The following CYP2C19 variants were observed in gnomAD, a reference collection of about 807,000 sequenced individuals.
CYP2C19 encodes cytochrome P450 2C19.
CYP2C19 carries 59 observed loss-of-function variants against 40.9 expected under a neutral mutation model. The observed-to-expected ratio is 1.44, with a 90% CI of 1.17 to 1.79. The LOEUF (loss-of-function observed/expected upper bound fraction) is 1.79. Ranked by LOEUF, CYP2C19 falls within the 40% of genes most tolerant of loss-of-function variation. CYP2C19 has a pLI of 0.00. For synonymous variants in CYP2C19, 253 were observed against 208.7 expected, an observed-to-expected ratio of 1.21 and a Z score of -1.83; for missense variants, 754 against 596.9, an observed-to-expected ratio of 1.26 and a Z score of -2.74.
intron 8 of CYP2C19, among the ~76,000 whole-genome samples, 154 bp from the exon 9 acceptor site, chr10:94,852,579 T>C (rs1004643639): frequency 1.3e-5 from 2 of 152,174 alleles, no homozygotes; most frequent in South Asian, 4.2e-4. Context: ...CTTTCATTCA[T>C]GCATTCACCC....
At chr10:94,838,609 T>A (rs1849441741) in intron 6 of CYP2C19, among the ~76,000 whole-genome samples, 1 of 152,142 alleles carries the variant, frequency 6.6e-6, no homozygotes, top group East Asian at 1.9e-4. Context: ...CTTTGGTTCA[T>A]TATTTACCCC....
chr10:94,780,650 C>T lies in CYP2C19; in HGVS notation c.633C>T (p.Pro211=), dbSNP rs766295619. Residue 211 remains proline (P), a synonymous_variant, in exon 4 of 9, where the codon CCC becomes CCT. Transcript: ENST00000371321. ...LNENIRIVST[P]WIQICNNFPT... ...AAAACATCAGGATTGTAAGCACCCC[C>T]TGGATCCAGGTAAGGCCAAGTTTTT... The T allele has an allele frequency of 3.7e-6, 6 of 1,613,656 alleles. No homozygotes were observed. Among genetic ancestry groups the T allele is most frequent in the Non-Finnish European group, 5.1e-6 (6 of 1,179,810 alleles).
At chr10:94,821,690 C>T (rs1316199785) in intron 6 of CYP2C19, among the ~76,000 whole-genome samples, 1 of 151,986 alleles carries the variant, frequency 6.6e-6, no homozygotes, top group East Asian at 1.9e-4. Context: ...TCTTTTTTCC[C>T]CTGTGTCAGT....
At chr10:94,779,654 GGATTCAAGT>G (rs1848457527) in intron 3 of CYP2C19, among the ~76,000 whole-genome samples, 1 of 147,884 alleles carries the variant, frequency 6.8e-6, no homozygotes, top group Non-Finnish European at 1.5e-5. Flanking sequence ...TCTGCCTCCT[GGATTCAAGT>G]GATTCTCCTG....
intron 6 of CYP2C19, among the ~76,000 whole-genome samples, chr10:94,829,125 A>C (rs59404658): frequency 6.6e-6 from 1 of 151,944 alleles, no homozygotes; most frequent in Non-Finnish European, 1.5e-5. Context: ...CTTTGGTGAA[A>C]CTGACAATTA....
intron 5 of CYP2C19, among the ~76,000 whole-genome samples, chr10:94,803,437 A>G (rs529861534): frequency 6.9e-4 from 105 of 152,324 alleles, no homozygotes; most frequent in African/African-American, 2.4e-3. Flanking sequence ...AAGTTTCTCT[A>G]GCACAGCTTG....
chr10:94,788,128 C>A (rs1004641700), intron 5 of CYP2C19, among the ~76,000 whole-genome samples: 16 of 151,876 alleles, frequency 1.1e-4, no homozygotes, highest in East Asian at 1.9e-4. Flanking sequence ...CCCCACCCCC[C>A]ACTATGGCTA....
intron 8 of CYP2C19, among the ~76,000 whole-genome samples, chr10:94,852,156 T>C (rs978367806): frequency 4.6e-5 from 7 of 152,106 alleles, no homozygotes; most frequent in African/African-American, 1.7e-4. Flanking sequence ...ATCATCAGAC[T>C]GGAAACAGAA....
intron 5 of CYP2C19, among the ~76,000 whole-genome samples, chr10:94,810,627 G>C (rs560186140): frequency 6.6e-6 from 1 of 152,234 alleles, no homozygotes; most frequent in Non-Finnish European, 1.5e-5. Flanking sequence ...GGGTGTATGT[G>C]TCTAGAAATT....
chr10:94,817,762 C>A (rs1206435800), intron 5 of CYP2C19, among the ~76,000 whole-genome samples: 1 of 152,080 alleles, frequency 6.6e-6, no homozygotes, highest in Non-Finnish European at 1.5e-5. Context: ...ACCTGTAATC[C>A]CGGCACTTTG....
intron 5 of CYP2C19, 130 bp downstream of exon 5, chr10:94,782,127 TG>T: frequency 1.6e-6 from 1 of 627,758 alleles, no homozygotes; most frequent in Non-Finnish European, 2.6e-6. Flanking sequence ...AAGTTTTTAT[TG>T]TATGCATGAA....
At chr10:94,831,429 T>C (rs2134278223) in intron 6 of CYP2C19, among the ~76,000 whole-genome samples, 1 of 152,338 alleles carries the variant, frequency 6.6e-6, no homozygotes, top group Non-Finnish European at 1.5e-5. Context: ...ATTTTTAGTT[T>C]TTTAAAAAAC....
At chr10:94,846,845 G>A (rs1849579175) in intron 7 of CYP2C19, among the ~76,000 whole-genome samples, 1 of 151,080 alleles carries the variant, frequency 6.6e-6, no homozygotes, top group South Asian at 2.1e-4. Context: ...GTATTTTTAA[G>A]CTATGATTAA....
chr10:94,780,399 T>C (rs1848464073), intron 3 of CYP2C19, 100 bp from the exon 4 acceptor site: 1 of 1,454,486 alleles, frequency 6.9e-7, no homozygotes, highest in African/African-American at 1.4e-5. Context: ...ATAGGTAAGA[T>C]ATTACTTAAA....
intron 6 of CYP2C19, among the ~76,000 whole-genome samples, chr10:94,826,366 T>A (rs1296138797): frequency 1.3e-5 from 2 of 152,154 alleles, no homozygotes; most frequent in Non-Finnish European, 2.9e-5. Context: ...CTTGAAGAGG[T>A]CCTTCACATC....
chr10:94,839,646 C>G (rs1849458988), intron 6 of CYP2C19, among the ~76,000 whole-genome samples: 1 of 152,206 alleles, frequency 6.6e-6, no homozygotes, highest in Non-Finnish European at 1.5e-5. Context: ...TCTGTAAGTA[C>G]TTTAAGTCTT....
rs1471434904 is a variant in CYP2C19 at position 94,854,981 on chromosome 10, C to T, written c.*2067C>T. ...GTTAGTAGAGGTGTTGACAAACACC[C>T]ATGGGTGAGATAAATAAAAAAGTTG... On this transcript the variant is annotated 3_prime_UTR_variant, in exon 9 of 9. Coordinates refer to ENST00000371321, the MANE Select transcript of CYP2C19 (RefSeq NM_000769.4). Among the ~76,000 whole-genome samples, 2 of 152,154 alleles carry T rather than the reference C, an allele frequency of 1.3e-5. No homozygotes were observed. The highest frequency in any genetic ancestry group is 2.4e-5 in the African/African-American group (1 of 41,436).
At chr10:94,844,110 T>C (rs977083109) in intron 7 of CYP2C19, among the ~76,000 whole-genome samples, 1 of 152,116 alleles carries the variant, frequency 6.6e-6, no homozygotes, top group Non-Finnish European at 1.5e-5. Flanking sequence ...AGGCCAGCCT[T>C]ATAAAACTAA....
chr10:94,832,071 G>A lies in CYP2C19; in HGVS notation c.962-10766G>A, dbSNP rs527330309. ...TTAAGTTTTTAATCCATTTTGAGTT[G>A]ATTTTTGTATGTGGCAAGATATATG... On this transcript the variant is annotated intron_variant, in intron 6 of 8. Coordinates refer to ENST00000371321, the MANE Select transcript of CYP2C19 (RefSeq NM_000769.4). Among the ~76,000 whole-genome samples the A allele has an allele frequency of 6.6e-4, 101 of 152,186 alleles. 1 individual carries two copies. The highest frequency in any genetic ancestry group is 2.0e-3 in the Admixed American group (30 of 15,282).
Sources: gnomAD v4.1 joint callset for allele counts (sites outside exome capture counted in the v4.1 genomes callset) on GRCh38, gnomAD v4.1.1 for gene constraint, MANE v1.5 for transcripts, NCBI Gene and HGNC (gene_info 2026-07-23, HGNC 2026-07-21) for gene names.